The following PCDHGA8 variants were observed in gnomAD, a reference collection of about 807,000 sequenced individuals.
PCDHGA8 encodes protocadherin gamma-A8.
A neutral mutation model predicts 59.2 loss-of-function variants in PCDHGA8; 45 were observed. The ratio of observed to expected loss-of-function variants is 0.76; its 90% CI spans 0.60 to 0.98. PCDHGA8 has a LOEUF of 0.98. Ranked by LOEUF, PCDHGA8 falls within the 50% of genes least tolerant of loss-of-function variation. PCDHGA8 has a pLI of 0.00. For synonymous variants in PCDHGA8, 531 were observed against 519.0 expected, an observed-to-expected ratio of 1.02 and a Z score of -0.32; for missense variants, 1,257 against 1,196.2, an observed-to-expected ratio of 1.05 and a Z score of -0.75.
intron 3 of PCDHGA8, among the ~76,000 whole-genome samples, chr5:141,507,861 C>T (rs538942097): frequency 7.0e-4 from 106 of 152,306 alleles, no homozygotes; most frequent in African/African-American, 2.5e-3. Flanking sequence ...CTTTCACACC[C>T]GCTTCCTAGC....
At chr5:141,481,607 C>A (rs2099540195) in intron 1 of PCDHGA8, among the ~76,000 whole-genome samples, 1 of 152,158 alleles carries the variant, frequency 6.6e-6, no homozygotes, top group Admixed American at 6.5e-5. Flanking sequence ...CACCTGAGGC[C>A]AGGAGTTCAA....
At chr5:141,441,878 TG>T in intron 1 of PCDHGA8, 1 of 343,708 alleles carries the variant, frequency 2.9e-6, no homozygotes, top group Non-Finnish European at 5.6e-6. Context: ...CCTGGCTACC[TG>T]GTCACCAAGG....
In PCDHGA8 at chr5:141,485,125, G is replaced by A. The variant is rs776015544; in HGVS notation, c.2425-9682G>A. 7.1e-7 allele frequency: 1 copy of A among 1,412,160 alleles called. No homozygotes were observed. The highest frequency in any genetic ancestry group is 1.2e-5 in the South Asian group (1 of 81,022). The allele number at this position is 1,412,160 out of a possible 1,614,324, so 87.5% of individuals were successfully genotyped here. On this transcript the variant is annotated intron_variant, in intron 1 of 3. Transcript: ENST00000398604. This position sits in a 1 kb window ranked among gnomAD's most constrained non-coding sequence, Gnocchi z 5.7. ...CTGCTGTGGCTGTTTGGGGCGGGTC[G>A]GCTTCATCCGCGTCTCAGGAGCAAG... is the stretch of plus-strand genomic sequence containing the variant.
At chr5:141,484,300 C>G (rs927710366) in intron 1 of PCDHGA8, among the ~76,000 whole-genome samples, 1 of 152,190 alleles carries the variant, frequency 6.6e-6, no homozygotes, top group Non-Finnish European at 1.5e-5. Context: ...CTCCTGGCTT[C>G]CTCCACCCCG....
At chr5:141,501,334 C>CA (rs2099808390) in intron 2 of PCDHGA8, among the ~76,000 whole-genome samples, 1 of 145,376 alleles carries the variant, frequency 6.9e-6, no homozygotes, top group Non-Finnish European at 1.5e-5. Flanking sequence ...CACACACACA[C>CA]CCCAAACTCA....
intron 1 of PCDHGA8, among the ~76,000 whole-genome samples, chr5:141,469,538 G>A (rs2099204234): frequency 6.6e-6 from 1 of 152,168 alleles, no homozygotes; most frequent in Non-Finnish European, 1.5e-5. Flanking sequence ...TTGTGCCACT[G>A]CACTCCAGCC....
chr5:141,405,124 G>A (rs1490821452), intron 1 of PCDHGA8: 2 of 1,614,020 alleles, frequency 1.2e-6, no homozygotes, highest in Admixed American at 3.3e-5. Context: ...CCTCGCATCT[G>A]CTGCGGGCTA....
intron 1 of PCDHGA8, chr5:141,400,586 A>G (rs963844263): frequency 6.2e-7 from 1 of 1,607,730 alleles, no homozygotes; most frequent in Non-Finnish European, 8.5e-7. Context: ...TTTACATGAA[A>G]CTATCGTACA....
At chr5:141,499,397 T>A (rs1171838687) in intron 2 of PCDHGA8, among the ~76,000 whole-genome samples, 2 of 152,122 alleles carry the variant, frequency 1.3e-5, no homozygotes, top group African/African-American at 4.8e-5. Flanking sequence ...AAATAGTACA[T>A]GCTCATTATA....
intron 1 of PCDHGA8, among the ~76,000 whole-genome samples, chr5:141,454,795 A>G (rs79012896): frequency 9.1e-6 from 1 of 110,272 alleles, no homozygotes; most frequent in South Asian, 3.0e-4. Flanking sequence ...CCATGGTTCT[A>G]ATTTTTTTTT....
intron 1 of PCDHGA8, chr5:141,426,860 A>T (rs771106873): frequency 2.6e-5 from 12 of 456,702 alleles, no homozygotes; most frequent in Admixed American, 2.3e-4. Flanking sequence ...CTCCAGAATT[A>T]GTGCTGGAGA....
At chr5:141,498,012 A>T (rs184213306) in intron 2 of PCDHGA8, among the ~76,000 whole-genome samples, 6 of 152,348 alleles carry the variant, frequency 3.9e-5, no homozygotes, top group Non-Finnish European at 8.8e-5. Context: ...CAGTGCACTG[A>T]AGGAGACAAA....
chr5:141,449,095 T>C (rs2098628347), intron 1 of PCDHGA8, among the ~76,000 whole-genome samples: 1 of 152,204 alleles, frequency 6.6e-6, no homozygotes. Flanking sequence ...AGTTTTTACA[T>C]ATGCAGTATA....
In PCDHGA8 at chr5:141,512,859, CAT is replaced by C. The variant is rs1474518602; in HGVS notation, c.*1688_*1689del. 6.6e-6 allele frequency: 1 copy of C among 152,296 alleles called. No homozygotes were observed. The highest frequency in any genetic ancestry group is 1.9e-4 in the East Asian group (1 of 5,200). The allele number at this position is 152,296 out of a possible 1,614,324, so 9.4% of individuals were successfully genotyped here. A position where few individuals can be genotyped will look rare whatever the true frequency, so the allele number is the denominator to read the frequency against. On this transcript the variant is annotated 3_prime_UTR_variant, in exon 4 of 4. Transcript: ENST00000398604. ...CTTCTCCTATAAGCGCTTCTCTTCG[CAT>C]AGTCACGTAGCTCCCACCCCACCCT... is the stretch of plus-strand genomic sequence containing the variant.
chr5:141,423,488 ATTC>A, intron 1 of PCDHGA8: 1 of 1,613,954 alleles, frequency 6.2e-7, no homozygotes, highest in Non-Finnish European at 8.5e-7. Flanking sequence ...CTGCAAACCT[ATTC>A]CCACGAGGTC....
intron 2 of PCDHGA8, 91 bp from the exon 3 acceptor site, chr5:141,505,302 G>C: frequency 6.3e-7 from 1 of 1,592,714 alleles, no homozygotes. Context: ...TAGGGTTAGG[G>C]TACTAGGTTT....
intron 1 of PCDHGA8, chr5:141,400,564 C>G (rs532914635): frequency 1.9e-6 from 3 of 1,612,936 alleles, no homozygotes; most frequent in Admixed American, 1.7e-5. Flanking sequence ...ATTACCCACC[C>G]AATTTTCTGT....
At chr5:141,498,967 GGGAGGGAAGGAA>G (rs1374222518) in intron 2 of PCDHGA8, among the ~76,000 whole-genome samples, 13 of 129,674 alleles carry the variant, frequency 1.0e-4, no homozygotes, top group South Asian at 5.5e-4. Context: ...GAGGGAGGGA[GGGAGGGAAGGAA>G]GGAAGGAAGG....
In PCDHGA8 at chr5:141,423,740, GA is replaced by G. The variant is rs778655137; in HGVS notation, c.2424+28507del. 7 of 698,952 alleles carry G rather than the reference GA, an allele frequency of 1.0e-5. No individual in the cohort carries two copies. The African/African-American group carries it at 1.9e-4, about 19-fold the overall frequency. The allele number at this position is 698,952 out of a possible 1,614,324, so 43.3% of individuals were successfully genotyped here. ...AGGAGATGTTTTTTGAGCCTGTTAT[GA>G]AAACTGTTTGGGGGGGGGGTGGGGC... On this transcript the variant is annotated intron_variant, in intron 1 of 3. Coordinates refer to ENST00000398604, the MANE Select transcript of PCDHGA8 (RefSeq NM_032088.2).
Sources: allele counts gnomAD v4.1 joint callset (sites outside exome capture counted in the v4.1 genomes callset), GRCh38; gene constraint gnomAD v4.1.1; non-coding constraint Gnocchi (gnomAD v3.1); transcripts MANE v1.5; gene names NCBI Gene and HGNC (gene_info 2026-07-23, HGNC 2026-07-21).